Variants in RFTN1 observed in about 807,000 individuals in gnomAD.
The protein encoded by RFTN1 is raftlin, lipid raft linker 1, also known as raftlin.
A neutral mutation model predicts 46.5 loss-of-function variants in RFTN1; 26 were observed. The observed-to-expected ratio is 0.56, with a 90% CI of 0.41 to 0.78. The LOEUF (loss-of-function observed/expected upper bound fraction) is 0.78. Ranked by LOEUF, RFTN1 falls within the 30% of genes least tolerant of loss-of-function variation. RFTN1 has a pLI of 0.00. For missense variants in RFTN1, 693 were observed against 718.7 expected (o/e 0.96, Z 0.41); for synonymous variants, 261 against 284.2 (o/e 0.92, Z 0.82).
chr3:16,469,374 T>A (rs1287771597), intron 2 of RFTN1, among the ~76,000 whole-genome samples: 1 of 152,200 alleles, frequency 6.6e-6, no homozygotes, highest in Non-Finnish European at 1.5e-5. Context: ...TCATCATCAT[T>A]ATTATTAAGC....
At position 16,351,277 on chromosome 3, in the gene RFTN1, T is replaced by C. The variant is rs1215165450; in HGVS notation, c.1146+6655A>G. 1.3e-5 allele frequency among the ~76,000 whole-genome samples: 2 copies of C among 152,144 alleles called. No homozygotes were observed. Among genetic ancestry groups the C allele is most frequent in the Admixed American group, 6.5e-5 (1 of 15,272 alleles). ...GCCAAGGACTGTGTCCTTGATCCAG[T>C]CTGTTTGCCATTGAGACCAGTCAGG... On this transcript the variant is annotated intron_variant, in intron 7 of 9. Transcript: ENST00000334133. The surrounding 1 kb of genome is among the most constrained non-coding windows in gnomAD (Gnocchi z 5.4).
chr3:16,420,595 C>CTA (rs1559338068), intron 3 of RFTN1, among the ~76,000 whole-genome samples: 5 of 152,172 alleles, frequency 3.3e-5, no homozygotes, highest in Admixed American at 3.3e-4. Context: ...ATCATCCCAC[C>CTA]TATACCCACT....
At chr3:16,318,376 G>A (rs1575220116) in intron 9 of RFTN1, among the ~76,000 whole-genome samples, 2 of 152,294 alleles carry the variant, frequency 1.3e-5, no homozygotes, top group South Asian at 4.1e-4. Flanking sequence ...CAGTTCCTAT[G>A]ATTTCTTGCT....
chr3:16,324,318 G>T (rs187807531), intron 8 of RFTN1, among the ~76,000 whole-genome samples: 1 of 152,244 alleles, frequency 6.6e-6, no homozygotes, highest in Admixed American at 6.5e-5. Flanking sequence ...TTTAGGAACT[G>T]TAAACTATAC....
In RFTN1 at chr3:16,361,320, G is replaced by C. The variant is rs1188623478; in HGVS notation, c.1031-3273C>G. Among the ~76,000 whole-genome samples the C allele has an allele frequency of 1.3e-5, 2 of 152,162 alleles. No homozygotes were observed. The highest frequency in any genetic ancestry group is 4.8e-5 in the African/African-American group (2 of 41,446). ...CTACTGGGAATCTATTATGTGCCAA[G>C]TAGTCCTGTAGTCACTAGAGATCTC... is the stretch of plus-strand genomic sequence containing the variant. On this transcript the variant is annotated intron_variant, in intron 6 of 9. Coordinates refer to ENST00000334133, the MANE Select transcript of RFTN1 (RefSeq NM_015150.2). The surrounding 1 kb of genome is among the most constrained non-coding windows in gnomAD (Gnocchi z 4.3).
At chr3:16,360,851 T>G (rs939350160) in intron 6 of RFTN1, among the ~76,000 whole-genome samples, 2 of 152,204 alleles carry the variant, frequency 1.3e-5, no homozygotes, top group African/African-American at 4.8e-5. Flanking sequence ...ATGCTTTAGA[T>G]ACAATATTAT....
At chr3:16,456,107 G>A (rs2075900471) in intron 2 of RFTN1, among the ~76,000 whole-genome samples, 3 of 152,162 alleles carry the variant, frequency 2.0e-5, no homozygotes. Flanking sequence ...ACATTGTAAT[G>A]TAAAATGAGC....
rs936927654 is a variant in RFTN1, at chr3:16,366,815, A to G, written c.1030+3261T>C. Among the ~76,000 whole-genome samples the G allele has an allele frequency of 5.3e-5, 8 of 152,340 alleles. No individual in the cohort carries two copies. The South Asian group carries it at 1.7e-3, about 32-fold the overall frequency. On this transcript the variant is annotated intron_variant, in intron 6 of 9. Coordinates refer to ENST00000334133, the MANE Select transcript of RFTN1 (RefSeq NM_015150.2). ...CACACAAAGCAACCGCTAGGTGTCC[A>G]TGGTCATCACTATGCCCCTCCTCTG...
At chr3:16,357,379 AG>A (rs1425288515) in intron 7 of RFTN1, among the ~76,000 whole-genome samples, 1 of 152,214 alleles carries the variant, frequency 6.6e-6, no homozygotes, top group African/African-American at 2.4e-5. Context: ...TGGCCTCATG[AG>A]TCAACATTTC....
rs776355932 is a variant in RFTN1 at position 16,421,003 on chromosome 3, T to G, written c.333-11520A>C. 5.8e-4 allele frequency among the ~76,000 whole-genome samples: 88 copies of G among 152,206 alleles called. 1 individual carries two copies. Among genetic ancestry groups the G allele is most frequent in the Admixed American group, 4.6e-4 (7 of 15,284 alleles). On this transcript the variant is annotated intron_variant, in intron 3 of 9. Coordinates refer to ENST00000334133, the MANE Select transcript of RFTN1 (RefSeq NM_015150.2). This position sits in a 1 kb window ranked among gnomAD's most constrained non-coding sequence, Gnocchi z 4.6. ...GCTTCAGGAACCACCAGTTCCAGTGTGTCTCAAATGCTGAGTGGATCAATT... is the reference window on the plus strand; with the variant it reads ...GCTTCAGGAACCACCAGTTCCAGTGGGTCTCAAATGCTGAGTGGATCAATT...
At position 16,326,773 on chromosome 3, in the gene RFTN1, C is replaced by G. The variant is rs1031548243; in HGVS notation, c.1250G>C (p.Ser417Thr). The change falls in exon 8 of 10, where the codon AGC becomes ACC. Residue 417 changes from serine (S) to threonine (T), a missense_variant and splice_region_variant. Coordinates refer to ENST00000334133, the MANE Select transcript of RFTN1 (RefSeq NM_015150.2). The stretch of plus-strand genomic sequence containing the variant: ...TCCTAATGATTACTGTTATTGTTAC[C>G]TGGTAGTCTTGACGACGGGAGTTGG... ...VLPTPVVKTT[S>T]EGSVSTKQIV... The G allele has an allele frequency of 4.3e-6, 7 of 1,611,830 alleles. No individual in the cohort carries two copies. Among genetic ancestry groups the G allele is most frequent in the Non-Finnish European group, 5.9e-6 (7 of 1,178,058 alleles).
intron 4 of RFTN1, among the ~76,000 whole-genome samples, chr3:16,378,813 G>T (rs1431390683): frequency 2.0e-5 from 3 of 151,920 alleles, no homozygotes; most frequent in Non-Finnish European, 4.4e-5. Flanking sequence ...CATCAGCAGC[G>T]AGGTGATGGT....
In RFTN1 at chr3:16,356,634, C is replaced by G. The variant is rs2072454391; in HGVS notation, c.1146+1298G>C. Reference sequence around the variant, plus strand: ...TCAATAACCAGGCAAGGGACTGCCTCAAGGCTGCAGTTCTGGCAGGCACAA... The same window carrying G: ...TCAATAACCAGGCAAGGGACTGCCTGAAGGCTGCAGTTCTGGCAGGCACAA... On this transcript the variant is annotated intron_variant, in intron 7 of 9. Transcript: ENST00000334133. The surrounding 1 kb of genome is among the most constrained non-coding windows in gnomAD (Gnocchi z 4.9). 6.6e-6 allele frequency among the ~76,000 whole-genome samples: 1 copy of G among 152,234 alleles called. No individual in the cohort carries two copies. The highest frequency in any genetic ancestry group is 2.1e-4 in the South Asian group (1 of 4,830).
At chr3:16,401,695 G>C (rs890226335) in intron 4 of RFTN1, among the ~76,000 whole-genome samples, 1 of 152,216 alleles carries the variant, frequency 6.6e-6, no homozygotes, top group East Asian at 1.9e-4. Flanking sequence ...CTTCACCACA[G>C]ATAGCGTGAG....
chr3:16,364,752 A>T (rs1460099737), intron 6 of RFTN1, among the ~76,000 whole-genome samples: 3 of 152,258 alleles, frequency 2.0e-5, no homozygotes, highest in Admixed American at 2.0e-4. Context: ...GCAATGAGAG[A>T]AAATGGTCTT....
chr3:16,374,277 A>G lies in RFTN1; in HGVS notation c.826+3441T>C, dbSNP rs2073654341. Among the ~76,000 whole-genome samples, 1 of 152,222 alleles carries G rather than the reference A, an allele frequency of 6.6e-6. No homozygotes were observed. Among genetic ancestry groups the G allele is most frequent in the Non-Finnish European group, 1.5e-5 (1 of 68,028 alleles). On this transcript the variant is annotated intron_variant, in intron 5 of 9. Coordinates refer to ENST00000334133, the MANE Select transcript of RFTN1 (RefSeq NM_015150.2). This position sits in a 1 kb window ranked among gnomAD's most constrained non-coding sequence, Gnocchi z 5.4. The stretch of plus-strand genomic sequence containing the variant: ...AAACCCTGGGCTCTTTCCCAAATCT[A>G]ACAAGAGGCTAACTTCATCAGGACA...
intron 2 of RFTN1, among the ~76,000 whole-genome samples, chr3:16,485,159 C>T (rs192623528): frequency 1.4e-4 from 21 of 152,062 alleles, no homozygotes; most frequent in Admixed American, 9.8e-4. Context: ...AACACTTGTT[C>T]GTGGATATTC....
Position 16,351,941 on chromosome 3 carries a change from C to G in RFTN1, c.1146+5991G>C, listed in dbSNP as rs2072132830. On this transcript the variant is annotated intron_variant, in intron 7 of 9. Transcript: ENST00000334133. The surrounding 1 kb of genome is among the most constrained non-coding windows in gnomAD (Gnocchi z 5.4). ...AGATTCCATTGATATTTTAAAGAAA[C>G]TGACACTGGGCATTGTAGCCAGCAC... 6.6e-6 allele frequency among the ~76,000 whole-genome samples: 1 copy of G among 152,082 alleles called. No individual in the cohort carries two copies. The highest frequency in any genetic ancestry group is 6.5e-5 in the Admixed American group (1 of 15,268).
chr3:16,381,801 T>C lies in RFTN1; in HGVS notation c.442-3699A>G, dbSNP rs1420533987. Among the ~76,000 whole-genome samples the C allele has an allele frequency of 6.6e-6, 1 of 152,096 alleles. No individual in the cohort carries two copies. The highest frequency in any genetic ancestry group is 6.5e-5 in the Admixed American group (1 of 15,270). ...ACCAAGAGGAGCCCAGAAATGAAGC[T>C]TGACTAGACATGACAAGGACCGGAT... On this transcript the variant is annotated intron_variant, in intron 4 of 9. Transcript: ENST00000334133. The surrounding 1 kb of genome is among the most constrained non-coding windows in gnomAD (Gnocchi z 4.2).
Sources: gnomAD v4.1 joint callset for allele counts (sites outside exome capture counted in the v4.1 genomes callset) on GRCh38, gnomAD v4.1.1 for gene constraint, Gnocchi (gnomAD v3.1) non-coding constraint, MANE v1.5 for transcripts, NCBI Gene and HGNC (gene_info 2026-07-23, HGNC 2026-07-21) for gene names.